Variants in PDE1C observed in about 807,000 individuals in gnomAD.
PDE1C encodes the protein phosphodiesterase 1C, also known as dual specificity calcium/calmodulin-dependent 3',5'-cyclic nucleotide phosphodiesterase 1C.
PDE1C carries 62 observed loss-of-function variants against 93.1 expected under a neutral mutation model. The ratio of observed to expected loss-of-function variants is 0.67; its 90% confidence interval spans 0.54 to 0.82. PDE1C has a LOEUF of 0.82. Ranked by LOEUF, PDE1C falls within the 40% of genes least tolerant of loss-of-function variation. The pLI is 0.00. For synonymous variants in PDE1C, 325 were observed against 310.1 expected (o/e 1.05, Z -0.50); for missense variants, 742 against 884.6 (o/e 0.84, Z 2.04).
intron 1 of PDE1C, among the ~76,000 whole-genome samples, chr7:32,387,067 G>A (rs1282155783): frequency 2.0e-5 from 3 of 151,044 alleles, no homozygotes; most frequent in Non-Finnish European, 4.4e-5. Context: ...ATTAGGGAGT[G>A]GTGATGACTC....
In PDE1C at chr7:31,898,592, C is replaced by T. The variant is rs75508363; in HGVS notation, c.129-17732G>A. ...CTGTATTAAAATGAAAGTTTTGTAA[C>T]TACATTTTTGTACACTTTTGTTATT... On this transcript the variant is annotated intron_variant, in intron 2 of 17. Transcript: ENST00000396191. 9.1e-3 allele frequency among the ~76,000 whole-genome samples: 1,378 copies of T among 152,222 alleles called. 19 individuals are homozygous for T. The highest frequency in any genetic ancestry group is 0.031 in the African/African-American group (1,298 of 41,530).
chr7:32,048,392 G>C (rs1792884036), intron 2 of PDE1C, among the ~76,000 whole-genome samples: 1 of 152,020 alleles, frequency 6.6e-6, no homozygotes, highest in Admixed American at 6.6e-5. Flanking sequence ...CTGTCTCTTA[G>C]AACATTTGAC....
chr7:32,243,636 G>A (rs1323790739), intron 1 of PDE1C, among the ~76,000 whole-genome samples: 1 of 152,210 alleles, frequency 6.6e-6, no homozygotes, highest in Non-Finnish European at 1.5e-5. Context: ...ATCTGGAAGA[G>A]TCCTTCCAGT....
rs374348005 is a variant in PDE1C at position 31,828,451 on chromosome 7, C to A, written c.1204-78G>T. The A allele has an allele frequency of 1.5e-4, 134 of 884,536 alleles. 4 individuals are homozygous for A. The highest frequency in any genetic ancestry group is 8.7e-4 in the African/African-American group (52 of 60,038). The allele number at this position is 884,536 out of a possible 1,614,324, so 54.8% of individuals were successfully genotyped here. Reference sequence around the variant, plus strand: ...AGATTTCATTTAGCAACTTCTGCCGCCACGGAGGCCACTGGTCTTTATTTT... The same window carrying A: ...AGATTTCATTTAGCAACTTCTGCCGACACGGAGGCCACTGGTCTTTATTTT... On this transcript the variant is annotated intron_variant, in intron 11 of 17. Coordinates refer to ENST00000396191, the MANE Select transcript of PDE1C (RefSeq NM_001191057.4).
intron 3 of PDE1C, among the ~76,000 whole-genome samples, chr7:32,121,916 A>G (rs1483984737): frequency 1.3e-5 from 2 of 152,224 alleles, no homozygotes; most frequent in African/African-American, 4.8e-5. Context: ...CAATTAAAAG[A>G]CACAGACTGG....
At chr7:32,362,518 G>C (rs1029022316) in intron 1 of PDE1C, among the ~76,000 whole-genome samples, 2 of 152,062 alleles carry the variant, frequency 1.3e-5, no homozygotes, top group African/African-American at 4.8e-5. Flanking sequence ...CAATTCTGCT[G>C]GATATTTTAA....
rs1787223083 is a variant in PDE1C, at chr7:31,809,061, T to G, written c.1861A>C (p.Asn621His). Residue 621 changes from asparagine (N) to histidine (H), a missense_variant, in exon 16 of 18, where the codon AAC (asparagine) becomes CAC (histidine). Physicochemically the swap from Asn to His is moderately conservative, Grantham distance 68 (BLOSUM62 1). Around this residue, in one of 4 missense-constraint regions of PDE1C, gnomAD observed 454 missense variants for 459.4 expected, o/e 0.99. Coordinates refer to ENST00000396191, the MANE Select transcript of PDE1C (RefSeq NM_001191057.4). The part of the protein sequence containing the change: ...KNKTDKKDHS[N>H]IGNDSKKTDG... ...GTTTTCTTTGAATCATTTCCGATGT[T>G]AGAGTGATCCTTCTTGTCTGTCTTA... 1 of 1,593,504 alleles carries G rather than the reference T, an allele frequency of 6.3e-7. No homozygotes were observed. Among genetic ancestry groups the G allele is most frequent in the East Asian group, 2.2e-5 (1 of 44,540 alleles).
At chr7:32,108,609 T>A (rs1353668061) in intron 3 of PDE1C, among the ~76,000 whole-genome samples, 1 of 152,182 alleles carries the variant, frequency 6.6e-6, no homozygotes, top group East Asian at 1.9e-4. Flanking sequence ...TATTGGGCAC[T>A]CATTTCATAC....
At chr7:32,024,560 T>C (rs1490651852) in intron 2 of PDE1C, among the ~76,000 whole-genome samples, 3 of 152,076 alleles carry the variant, frequency 2.0e-5, no homozygotes, top group Non-Finnish European at 2.9e-5. Context: ...TCTTTCTTAT[T>C]GCATAACCTC....
chr7:31,816,510 C>A (rs1014310248), intron 14 of PDE1C, among the ~76,000 whole-genome samples: 2 of 152,078 alleles, frequency 1.3e-5, no homozygotes, highest in Non-Finnish European at 2.9e-5. Flanking sequence ...TATTTATTTT[C>A]ATCCTCAAAA....
the PDE1C span, among the ~76,000 whole-genome samples, chr7:31,702,762 A>G: frequency 3.3e-5 from 5 of 152,296 alleles, no homozygotes; most frequent in East Asian, 7.7e-4. Context: ...ATCTAGTCCA[A>G]TCATTTCTAC....
At chr7:32,016,193 G>A (rs4723123) in intron 2 of PDE1C, among the ~76,000 whole-genome samples, 23,204 of 152,184 alleles carry the variant, frequency 0.15, 2,598 homozygotes, top group East Asian at 0.32. Flanking sequence ...GAGAAGTCAC[G>A]GAGCCATAAC....
At chr7:31,642,254 T>G in the PDE1C span, 2 of 1,550,060 alleles carry the variant, frequency 1.3e-6, no homozygotes, top group South Asian at 2.4e-5. Flanking sequence ...CCGCTGCCCC[T>G]CCAGGTAGGA....
chr7:32,146,686 G>A (rs1800858659), intron 3 of PDE1C, among the ~76,000 whole-genome samples: 1 of 152,132 alleles, frequency 6.6e-6, no homozygotes, highest in African/African-American at 2.4e-5. Context: ...GACATCTTAG[G>A]GAGGAATTAT....
At chr7:31,835,268 T>C (rs961286830) in intron 11 of PDE1C, among the ~76,000 whole-genome samples, 1 of 152,094 alleles carries the variant, frequency 6.6e-6, no homozygotes, top group Non-Finnish European at 1.5e-5. Context: ...AGAAAGCATA[T>C]GACAGGGGGA....
At chr7:31,889,960 C>T (rs1427563461) in intron 2 of PDE1C, among the ~76,000 whole-genome samples, 1 of 151,850 alleles carries the variant, frequency 6.6e-6, no homozygotes, top group Non-Finnish European at 1.5e-5. Flanking sequence ...AATCAACTCA[C>T]ACATTTTGTT....
chr7:31,922,734 A>T (rs535959614), intron 2 of PDE1C, among the ~76,000 whole-genome samples: 1 of 152,234 alleles, frequency 6.6e-6, no homozygotes, highest in Non-Finnish European at 1.5e-5. Flanking sequence ...CTATGCTTAG[A>T]GAAACAGTGG....
chr7:31,795,904 C>T lies in PDE1C; in HGVS notation c.1891+13127G>A, dbSNP rs1241119203. 3.3e-5 allele frequency among the ~76,000 whole-genome samples: 5 copies of T among 151,614 alleles called. No homozygotes were observed. The South Asian group carries it at 8.3e-4, about 25-fold the overall frequency. On this transcript the variant is annotated intron_variant, in intron 16 of 17. Transcript: ENST00000396191. Reference sequence around the variant, plus strand: ...CTCATGGTTGGGTCAACCTACAGCACAGCTTCCAAAATTAAGTACAAAATG... The same window carrying T: ...CTCATGGTTGGGTCAACCTACAGCATAGCTTCCAAAATTAAGTACAAAATG...
rs144845840 is a variant in PDE1C at position 31,866,819 on chromosome 7, T to C, written c.610-1737A>G. Among the ~76,000 whole-genome samples, 197 of 152,170 alleles carry C rather than the reference T, an allele frequency of 1.3e-3. 5 individuals are homozygous for C. The highest frequency in any genetic ancestry group is 4.6e-3 in the African/African-American group (190 of 41,518). On this transcript the variant is annotated intron_variant, in intron 6 of 17. Transcript: ENST00000396191. ...AGCGAAAAGAAAGGTAAGTGAGTGATGGCTAGCAGTCCACATTCCCACCTT... is the reference window on the plus strand; with the variant it reads ...AGCGAAAAGAAAGGTAAGTGAGTGACGGCTAGCAGTCCACATTCCCACCTT...
Sources: gnomAD v4.1 joint callset for allele counts (sites outside exome capture counted in the v4.1 genomes callset) on GRCh38, gnomAD v4.1.1 for gene constraint, gnomAD v4.1.1 regional missense constraint, MANE v1.5 for transcripts, NCBI Gene and HGNC (gene_info 2026-07-23, HGNC 2026-07-21) for gene names.